PSMA1: variants seen among roughly 807,000 people sequenced by gnomAD.
PSMA1 encodes the protein proteasome subunit alpha type-1.
Under a neutral mutation model 38.4 loss-of-function variants are expected in PSMA1, and 3 were observed. That is an observed-to-expected ratio of 0.08 (90% CI 0.04 to 0.20). The LOEUF (loss-of-function observed/expected upper bound fraction) is 0.20. Ranked by LOEUF, PSMA1 falls within the 10% of genes least tolerant of loss-of-function variation. PSMA1 has a pLI of 1.00. For synonymous variants in PSMA1, 101 were observed against 107.1 expected, an observed-to-expected ratio of 0.94 and a Z score of 0.35; for missense variants, 227 against 325.3, an observed-to-expected ratio of 0.70 and a Z score of 2.32.
chr11:14,509,549 C>A (rs1418929346), intron 8 of PSMA1, among the ~76,000 whole-genome samples: 1 of 149,566 alleles, frequency 6.7e-6, no homozygotes, highest in Non-Finnish European at 1.5e-5. Flanking sequence ...GGAGTGCATG[C>A]ACCGCCACGC....
Position 14,597,877 on chromosome 11 carries a change from T to C in PSMA1, c.21+13089A>G, listed in dbSNP as rs563235704. Among the ~76,000 whole-genome samples the C allele has an allele frequency of 2.0e-4, 31 of 152,350 alleles. No individual in the cohort carries two copies. In the South Asian group the frequency reaches 6.2e-3, roughly 31 times the overall value. ...TTTAGATATCTCCTGCTGTCTCTTG[T>C]GGGCATTTAGTGCTATATATTTCCC... On this transcript the variant is annotated intron_variant, in intron 2 of 10. Coordinates refer to the PSMA1 transcript ENST00000418988.
chr11:14,627,223 C>T (rs535610115), intron 1 of PSMA1, among the ~76,000 whole-genome samples: 1 of 152,298 alleles, frequency 6.6e-6, no homozygotes, highest in African/African-American at 2.4e-5. Flanking sequence ...TGAATGAACA[C>T]AGTTTCATCC....
intron 2 of PSMA1, among the ~76,000 whole-genome samples, chr11:14,582,479 AAC>A (rs1852293598): frequency 7.0e-6 from 1 of 143,604 alleles, no homozygotes; most frequent in Non-Finnish European, 1.5e-5. Context: ...CAACAACAAC[AAC>A]CAAAAAACCC....
chr11:14,553,692 A>G (rs1262992917), intron 2 of PSMA1, among the ~76,000 whole-genome samples: 2 of 152,078 alleles, frequency 1.3e-5, no homozygotes, highest in African/African-American at 4.8e-5. Flanking sequence ...CATGATATAG[A>G]TGCACCACAG....
intron 2 of PSMA1, among the ~76,000 whole-genome samples, chr11:14,575,870 C>A (rs1304245656): frequency 1.3e-5 from 2 of 152,192 alleles, no homozygotes; most frequent in African/African-American, 4.8e-5. Context: ...GTTTACAGTC[C>A]CACCAGCAAT....
At chr11:14,562,297 T>A (rs983596308) in intron 2 of PSMA1, among the ~76,000 whole-genome samples, 1 of 152,214 alleles carries the variant, frequency 6.6e-6, no homozygotes. Flanking sequence ...ATTAGATGAA[T>A]TGAGAAAGCT....
intron 1 of PSMA1, among the ~76,000 whole-genome samples, chr11:14,620,646 T>C (rs1204384101): frequency 2.0e-5 from 3 of 152,240 alleles, no homozygotes; most frequent in African/African-American, 4.8e-5. Context: ...TTCCCAAGTT[T>C]TGAGGTCGTC....
At chr11:14,525,003 G>A (rs1413768090), upstream of PSMA1, among the ~76,000 whole-genome samples, 1 of 152,068 alleles carries the variant, frequency 6.6e-6, no homozygotes, top group Non-Finnish European at 1.5e-5. Context: ...CACTTACAGT[G>A]GAGGGTAAGT....
chr11:14,528,897 A>G (rs1287275337), intron 2 of PSMA1, among the ~76,000 whole-genome samples: 1 of 152,064 alleles, frequency 6.6e-6, no homozygotes, highest in Non-Finnish European at 1.5e-5. Context: ...CATTGCTCTT[A>G]ACTCCACTGC....
intron 4 of PSMA1, 49 bp from the exon 5 acceptor site, chr11:14,514,540 A>AT (rs1851396248): frequency 1.5e-6 from 2 of 1,321,254 alleles, no homozygotes; most frequent in Admixed American, 5.8e-5. Context: ...ATAGACAACT[A>AT]TTCCAATCTA....
At chr11:14,598,995 G>A (rs189336264) in intron 2 of PSMA1, among the ~76,000 whole-genome samples, 2 of 152,030 alleles carry the variant, frequency 1.3e-5, no homozygotes, top group Admixed American at 6.6e-5. Flanking sequence ...CTTCACTTAT[G>A]AAGCTTAGTT....
chr11:14,525,689 C>T (rs1851577558), intron 2 of PSMA1, among the ~76,000 whole-genome samples: 1 of 152,190 alleles, frequency 6.6e-6, no homozygotes, highest in Non-Finnish European at 1.5e-5. Context: ...CCACAACTCA[C>T]TATTCGGTTC....
At chr11:14,556,875 G>T (rs1484178726) in intron 2 of PSMA1, among the ~76,000 whole-genome samples, 1 of 152,136 alleles carries the variant, frequency 6.6e-6, no homozygotes, top group East Asian at 1.9e-4. Flanking sequence ...TTGCTCTGTT[G>T]CCCAGGCTAG....
At chr11:14,542,155 T>C (rs931469141) in intron 2 of PSMA1, among the ~76,000 whole-genome samples, 2 of 152,208 alleles carry the variant, frequency 1.3e-5, no homozygotes, top group Non-Finnish European at 2.9e-5. Context: ...TTTAAAAAAG[T>C]AAATATTACA....
intron 2 of PSMA1, among the ~76,000 whole-genome samples, chr11:14,546,761 T>C (rs965383755): frequency 2.6e-5 from 4 of 152,138 alleles, no homozygotes; most frequent in Admixed American, 6.5e-5. Flanking sequence ...TTAAAGTTTT[T>C]TCAGAGGGAC....
chr11:14,610,737 T>C, intron 2 of PSMA1: 1 of 539,562 alleles, frequency 1.9e-6, no homozygotes, highest in Non-Finnish European at 3.3e-6. Flanking sequence ...CTTAGGTTAA[T>C]CCCTTTCTTT....
chr11:14,592,085 C>T (rs1370685102), intron 2 of PSMA1, among the ~76,000 whole-genome samples: 2 of 151,982 alleles, frequency 1.3e-5, no homozygotes, highest in Non-Finnish European at 2.9e-5. Context: ...CGAAGGTCTG[C>T]AGCTTCACTC....
chr11:14,602,671 T>C (rs531416481), intron 2 of PSMA1, among the ~76,000 whole-genome samples: 348 of 152,102 alleles, frequency 2.3e-3, no homozygotes, highest in South Asian at 8.9e-3. Context: ...TTTAAATAAA[T>C]AAACTTGGAT....
At chr11:14,518,621 T>G (rs1851475052) in intron 2 of PSMA1, among the ~76,000 whole-genome samples, 3 of 152,202 alleles carry the variant, frequency 2.0e-5, no homozygotes, top group South Asian at 4.1e-4. Context: ...GTCTTCATGT[T>G]GTACATTAGA....
Sources: gnomAD v4.1 joint callset for allele counts (sites outside exome capture counted in the v4.1 genomes callset) on GRCh38, gnomAD v4.1.1 for gene constraint, MANE v1.5 for transcripts, NCBI Gene and HGNC (gene_info 2026-07-23, HGNC 2026-07-21) for gene names.